Variants in TULP4 observed in about 807,000 individuals in gnomAD.
The protein encoded by TULP4 is tubby-related protein 4.
TULP4 carries 16 observed loss-of-function variants against 129.0 expected under a neutral mutation model. The observed-to-expected ratio is 0.12, with a 90% CI of 0.08 to 0.19. The LOEUF (loss-of-function observed/expected upper bound fraction) is 0.19. TULP4 is among the 10% of genes least tolerant of loss of function. TULP4 has a pLI of 1.00. For missense variants in TULP4, 1,842 were observed against 2,059.1 expected (o/e 0.89, Z 2.04); for synonymous variants, 998 against 854.0 (o/e 1.17, Z -2.94).
intron 9 of TULP4, among the ~76,000 whole-genome samples, chr6:158,490,206 G>A (rs1481970313): frequency 1.3e-5 from 2 of 152,148 alleles, no homozygotes; most frequent in Non-Finnish European, 2.9e-5. Flanking sequence ...GACCATCCTG[G>A]TCAACATGGT....
At chr6:158,394,738 G>A (rs1583830979) in intron 1 of TULP4, among the ~76,000 whole-genome samples, 2 of 121,558 alleles carry the variant, frequency 1.6e-5, no homozygotes, top group East Asian at 5.8e-4. Context: ...AGTGAACCCA[G>A]ATTGTGCTAC....
chr6:158,294,379 A>T (rs909157567), intron 1 of TULP4, among the ~76,000 whole-genome samples: 4 of 152,052 alleles, frequency 2.6e-5, no homozygotes, highest in African/African-American at 9.7e-5. Context: ...AAAAATAAAA[A>T]AAAAAATAAA....
chr6:158,423,753 G>T (rs968948951), intron 2 of TULP4, among the ~76,000 whole-genome samples: 4 of 152,028 alleles, frequency 2.6e-5, no homozygotes, highest in African/African-American at 9.7e-5. Context: ...CCATTCTCCT[G>T]CCTCAGCCTC....
At chr6:158,315,289 A>G (rs754474566) in intron 1 of TULP4, among the ~76,000 whole-genome samples, 1 of 151,906 alleles carries the variant, frequency 6.6e-6, no homozygotes, top group African/African-American at 2.4e-5. Context: ...AGAGTTTTTT[A>G]TTTCTTCTTG....
chr6:158,345,944 C>G (rs1435971933), intron 1 of TULP4, among the ~76,000 whole-genome samples: 1 of 152,142 alleles, frequency 6.6e-6, no homozygotes, highest in Admixed American at 6.5e-5. Context: ...GAATGCAATC[C>G]TTTTCCCAGA....
intron 1 of TULP4, among the ~76,000 whole-genome samples, chr6:158,351,244 T>TG (rs775487547): frequency 1.1e-4 from 16 of 152,222 alleles, no homozygotes; most frequent in Non-Finnish European, 2.4e-4. Context: ...GAATGCTTGA[T>TG]TAAGCCCATT....
At chr6:158,262,871 G>A (rs992452021) in intron 1 of TULP4, among the ~76,000 whole-genome samples, 3 of 152,214 alleles carry the variant, frequency 2.0e-5, no homozygotes, top group African/African-American at 7.2e-5. Flanking sequence ...GGGTGTTGGG[G>A]TGAAGCATTC....
intron 1 of TULP4, among the ~76,000 whole-genome samples, chr6:158,402,961 A>G (rs705943): frequency 0.7 from 106,229 of 150,680 alleles, 37,781 homozygotes; most frequent in Middle Eastern, 0.76. Flanking sequence ...TAAACATCTC[A>G]ATGATTTGTT....
At chr6:158,481,752 G>A (rs150580893) in intron 8 of TULP4, among the ~76,000 whole-genome samples, 176 of 152,214 alleles carry the variant, frequency 1.2e-3, no homozygotes, top group African/African-American at 4.1e-3. Context: ...TTACCTGATT[G>A]CTAATGACAA....
At position 158,344,355 on chromosome 6, in the gene TULP4, A is replaced by G. The variant is rs117405011; in HGVS notation, c.252+30087A>G. On this transcript the variant is annotated intron_variant, in intron 1 of 13. Coordinates refer to ENST00000367097, the MANE Select transcript of TULP4 (RefSeq NM_020245.5). Reference sequence around the variant, plus strand: ...TTCACACAGACGTGTGAGACAGCGGACTTTGTTTTACTGAGCTTCCCTTTA... The same window carrying G: ...TTCACACAGACGTGTGAGACAGCGGGCTTTGTTTTACTGAGCTTCCCTTTA... Among the ~76,000 whole-genome samples the G allele has an allele frequency of 5.7e-4, 87 of 152,302 alleles. 1 individual carries two copies. The East Asian group carries it at 0.014, about 25-fold the overall frequency.
chr6:158,233,644 C>T (rs1394281091), intron 1 of TULP4, among the ~76,000 whole-genome samples: 1 of 152,204 alleles, frequency 6.6e-6, no homozygotes, highest in African/African-American at 2.4e-5. Context: ...TCCAGAGAGG[C>T]CATGGGCACA....
intron 12 of TULP4, among the ~76,000 whole-genome samples, chr6:158,499,514 A>G (rs1780399908): frequency 6.6e-6 from 1 of 152,204 alleles, no homozygotes; most frequent in Non-Finnish European, 1.5e-5. Flanking sequence ...ATGACTTCCA[A>G]TTAGTCTGGC....
At chr6:158,483,999 G>A (rs1780008252) in intron 8 of TULP4, among the ~76,000 whole-genome samples, 1 of 149,588 alleles carries the variant, frequency 6.7e-6, no homozygotes, top group Admixed American at 6.7e-5. Flanking sequence ...GCTCATTGCA[G>A]CCTTGAACTC....
At chr6:158,490,040 A>C (rs1281768367) in intron 9 of TULP4, among the ~76,000 whole-genome samples, 8 of 152,186 alleles carry the variant, frequency 5.3e-5, no homozygotes, top group African/African-American at 1.9e-4. Context: ...TTATAGTTTG[A>C]GAAAAGGAAG....
intron 1 of TULP4, among the ~76,000 whole-genome samples, chr6:158,233,999 T>G (rs753858569): frequency 2.6e-5 from 4 of 152,160 alleles, no homozygotes; most frequent in Non-Finnish European, 5.9e-5. Flanking sequence ...GGGAGGAATA[T>G]GGAGAAAAAT....
chr6:158,449,319 G>A, intron 4 of TULP4, 143 bp downstream of exon 4: 1 of 783,398 alleles, frequency 1.3e-6, no homozygotes, highest in South Asian at 2.3e-5. Context: ...TTATCAAGCT[G>A]AAATGCAAGG....
chr6:158,428,321 G>A (rs764840659), intron 2 of TULP4: 1 of 152,292 alleles, frequency 6.6e-6, no homozygotes, highest in Non-Finnish European at 1.5e-5. Flanking sequence ...AGAGGGTAAC[G>A]TAACCCTGCT....
At chr6:158,392,974 C>CT (rs1777621977) in intron 1 of TULP4, among the ~76,000 whole-genome samples, 2 of 69,618 alleles carry the variant, frequency 2.9e-5, no homozygotes, top group Non-Finnish European at 5.9e-5. Flanking sequence ...GAGTGAGACT[C>CT]TGTCTGTATT....
At chr6:158,462,565 G>A (rs1562576794) in intron 6 of TULP4, among the ~76,000 whole-genome samples, 3 of 150,096 alleles carry the variant, frequency 2.0e-5, no homozygotes, top group African/African-American at 7.3e-5. Context: ...ACTAGAGATG[G>A]GGTTTCACCA....
Sources: gnomAD v4.1 joint callset for allele counts (sites outside exome capture counted in the v4.1 genomes callset) on GRCh38, gnomAD v4.1.1 for gene constraint, MANE v1.5 for transcripts, NCBI Gene and HGNC (gene_info 2026-07-23, HGNC 2026-07-21) for gene names.